The following NUB1 variants were observed in gnomAD, a reference collection of about 807,000 sequenced individuals.
The protein encoded by NUB1 is NEDD8 ultimate buster 1.
Under a neutral mutation model 77.1 loss-of-function variants are expected in NUB1, and 41 were observed. That is an observed-to-expected ratio of 0.53 (90% CI 0.41 to 0.69). The LOEUF is 0.69. Among genes scored for constraint, NUB1 ranks in the 30% least tolerant of loss-of-function variants. The probability of loss-of-function intolerance (pLI) is 0.00; values close to 1 mark genes in which losing one functional copy is unlikely to be tolerated. For missense variants in NUB1, 643 were observed against 743.8 expected (o/e 0.86, Z 1.58); for synonymous variants, 257 against 281.0 (o/e 0.91, Z 0.85).
At chr7:151,363,525 T>C (rs1797487990) in intron 8 of NUB1, among the ~76,000 whole-genome samples, 1 of 150,698 alleles carries the variant, frequency 6.6e-6, no homozygotes, top group Non-Finnish European at 1.5e-5. Flanking sequence ...ATGCATGTAA[T>C]TGGAGTCCCT....
chr7:151,360,485 T>C, intron 8 of NUB1: 1 of 408,740 alleles, frequency 2.4e-6, no homozygotes, highest in South Asian at 6.2e-5. Context: ...CTTCTGTACA[T>C]GTGCTATGTT....
intron 7 of NUB1, 43 bp downstream of exon 7, chr7:151,356,265 G>T (rs756911047): frequency 4.9e-6 from 7 of 1,440,030 alleles, no homozygotes; most frequent in South Asian, 4.7e-5. Flanking sequence ...TAGATTTGTT[G>T]TCAGGGCAGA....
At position 151,344,999 on chromosome 7, in the gene NUB1, C is replaced by CA. The variant is rs551309210; in HGVS notation, c.-2-343dup. On this transcript the variant is annotated intron_variant, in intron 1 of 14. Transcript: ENST00000568733. Reference sequence around the variant, plus strand: ...TGGGCGACAGAGCGAGACTCCGTCTCAAAAAAGAAAAAAAGAAGTTCACGA... The same window carrying CA: ...TGGGCGACAGAGCGAGACTCCGTCTCAAAAAAAGAAAAAAAGAAGTTCACGA... Among the ~76,000 whole-genome samples, 137 of 149,754 alleles carry CA rather than the reference C, an allele frequency of 9.1e-4. 1 individual carries two copies. The highest frequency in any genetic ancestry group is 3.1e-3 in the African/African-American group (128 of 40,914).
intron 5 of NUB1, among the ~76,000 whole-genome samples, chr7:151,353,279 G>T (rs1158261287): frequency 6.6e-6 from 1 of 152,160 alleles, no homozygotes; most frequent in East Asian, 1.9e-4. Context: ...GTGTGAATTT[G>T]AGGAACTGAG....
chr7:151,348,779 TG>T (rs1796638516), intron 2 of NUB1, among the ~76,000 whole-genome samples: 1 of 152,064 alleles, frequency 6.6e-6, no homozygotes, highest in Admixed American at 6.5e-5. Context: ...TTCACCATGT[TG>T]GCCAGGCTGG....
chr7:151,358,121 C>A (rs1008530117), intron 7 of NUB1, among the ~76,000 whole-genome samples: 2 of 151,028 alleles, frequency 1.3e-5, no homozygotes, highest in Admixed American at 6.6e-5. Context: ...GACTACAGTG[C>A]ACGCCACCAT....
At chr7:151,357,905 C>T (rs543980026) in intron 7 of NUB1, among the ~76,000 whole-genome samples, 15 of 152,094 alleles carry the variant, frequency 9.9e-5, no homozygotes, top group East Asian at 3.9e-4. Flanking sequence ...CCACTGCGCC[C>T]GGCCGGATTA....
intron 2 of NUB1, among the ~76,000 whole-genome samples, chr7:151,347,744 C>A (rs568639951): frequency 6.6e-6 from 1 of 152,260 alleles, no homozygotes; most frequent in Non-Finnish European, 1.5e-5. Context: ...CAGGCATGAG[C>A]CATCGCGCCC....
intron 4 of NUB1, 51 bp downstream of exon 4, chr7:151,351,533 G>A: frequency 7.6e-7 from 1 of 1,324,308 alleles, no homozygotes; most frequent in Admixed American, 2.0e-5. Flanking sequence ...TTTTTACATT[G>A]GCTTATTTGA....
chr7:151,348,155 T>A (rs1158549424), intron 2 of NUB1, among the ~76,000 whole-genome samples: 1 of 152,220 alleles, frequency 6.6e-6, no homozygotes, highest in Non-Finnish European at 1.5e-5. Context: ...TTAGAGATAC[T>A]CATCTGGATT....
intron 11 of NUB1, among the ~76,000 whole-genome samples, chr7:151,371,369 C>A (rs914468640): frequency 1.6e-5 from 2 of 127,796 alleles, no homozygotes; most frequent in Non-Finnish European, 3.2e-5. Context: ...CCCCACCCCC[C>A]ACCCCATGTC....
intron 7 of NUB1, among the ~76,000 whole-genome samples, chr7:151,357,183 ATTTT>A (rs59119243): frequency 0.014 from 1,877 of 134,380 alleles, 27 homozygotes; most frequent in East Asian, 0.064. Context: ...TGTCCAGCTA[ATTTT>A]TTTTTTTTTT....
chr7:151,372,799 T>C (rs1798022825), intron 11 of NUB1, among the ~76,000 whole-genome samples: 1 of 151,814 alleles, frequency 6.6e-6, no homozygotes, highest in African/African-American at 2.4e-5. Context: ...GGGCTGGAGC[T>C]GGGGGAGACT....
In NUB1 at chr7:151,353,764, T is replaced by G. The variant is rs574930827; in HGVS notation, c.415+882T>G. Among the ~76,000 whole-genome samples the G allele has an allele frequency of 7.9e-5, 12 of 152,344 alleles. No individual in the cohort carries two copies. In the South Asian group the frequency reaches 1.7e-3, roughly 21 times the overall value. On this transcript the variant is annotated intron_variant, in intron 5 of 14. Transcript: ENST00000568733. ...CATCCATACAAGCACTGTAGCCCAC[T>G]GGTTTCCAGTGCGTTCCTGTGGCCT... is the stretch of plus-strand genomic sequence containing the variant.
At chr7:151,355,641 C>T in intron 5 of NUB1, 127 bp from the exon 6 acceptor site, 2 of 960,714 alleles carry the variant, frequency 2.1e-6, no homozygotes, top group Non-Finnish European at 3.0e-6. Flanking sequence ...TCACTGCACT[C>T]CAGCCTGGGT....
At chr7:151,345,645 T>C (rs796894420) in intron 2 of NUB1, among the ~76,000 whole-genome samples, 179 bp downstream of exon 2, 7 of 152,340 alleles carry the variant, frequency 4.6e-5, no homozygotes, top group African/African-American at 1.7e-4. Flanking sequence ...TAATATTTTA[T>C]TCACATGAGG....
intron 12 of NUB1, among the ~76,000 whole-genome samples, chr7:151,375,406 C>T (rs1798169764): frequency 6.6e-6 from 1 of 152,082 alleles, no homozygotes. Flanking sequence ...GGAAAGTCTC[C>T]ACAGGGTCTT....
rs11354135 is a variant in NUB1 at position 151,365,318 on chromosome 7, CTT to C, written c.801-1608_801-1607del. 3.3e-3 allele frequency among the ~76,000 whole-genome samples: 466 copies of C among 141,582 alleles called. 2 individuals carry two copies. The highest frequency in any genetic ancestry group is 4.3e-3 in the African/African-American group (167 of 38,828). 92.9% of individuals were successfully genotyped at this position (141,582 alleles called of 152,430 possible). ...TCATTTTGTTGGTTTTCTTCTCTCT[CTT>C]TTTTTTTTTTTTGGCTGCACAAATA... On this transcript the variant is annotated intron_variant, in intron 8 of 14. Transcript: ENST00000568733.
At chr7:151,373,045 G>A (rs1315649451) in intron 11 of NUB1, among the ~76,000 whole-genome samples, 1 of 152,130 alleles carries the variant, frequency 6.6e-6, no homozygotes, top group Non-Finnish European at 1.5e-5. Flanking sequence ...CAATGATGAT[G>A]CTTTTGTTTT....
Sources: gnomAD v4.1 joint callset for allele counts (sites outside exome capture counted in the v4.1 genomes callset) on GRCh38, gnomAD v4.1.1 for gene constraint, MANE v1.5 for transcripts, NCBI Gene and HGNC (gene_info 2026-07-23, HGNC 2026-07-21) for gene names.